Variants in GSE1 observed in about 807,000 individuals in gnomAD.
GSE1 encodes the protein genetic suppressor element 1.
Under a neutral mutation model 112.6 loss-of-function variants are expected in GSE1, and 32 were observed. The observed-to-expected ratio is 0.28, with a 90% CI of 0.21 to 0.38. The LOEUF is 0.38. GSE1 is among the 10% of genes least tolerant of loss of function. The pLI, the probability that GSE1 is intolerant of heterozygous loss-of-function variation, is 1.00. For synonymous variants in GSE1, 1,115 were observed against 735.6 expected (o/e 1.52, Z -8.35); for missense variants, 2,348 against 1,699.2 (o/e 1.38, Z -6.71).
chr16:85,637,699 G>T (rs1291041000), intron 2 of GSE1, among the ~76,000 whole-genome samples: 1 of 151,624 alleles, frequency 6.6e-6, no homozygotes, highest in African/African-American at 2.4e-5. Flanking sequence ...CCCAGCTTGT[G>T]CCTGAGACTC....
At chr16:85,281,662 C>G (rs2151423930) in intron 1 of GSE1, among the ~76,000 whole-genome samples, 1 of 152,318 alleles carries the variant, frequency 6.6e-6, no homozygotes, top group East Asian at 1.9e-4. Flanking sequence ...CTCAAGTTCC[C>G]TCCTACCTGG....
intron 2 of GSE1, among the ~76,000 whole-genome samples, chr16:85,546,075 G>A (rs1006040687): frequency 6.6e-5 from 10 of 150,812 alleles, no homozygotes; most frequent in South Asian, 6.3e-4. Flanking sequence ...GGGAGCCGCC[G>A]CGCCCAGCCA....
chr16:85,359,678 C>T lies in GSE1; in HGVS notation c.2464+2035C>T, dbSNP rs139025425. 5.2e-4 allele frequency among the ~76,000 whole-genome samples: 79 copies of T among 152,322 alleles called. No homozygotes were observed. The East Asian group carries it at 0.015, about 29-fold the overall frequency. On this transcript the variant is annotated intron_variant, in intron 2 of 2. Transcript: ENST00000637419. ...CCTCCTCCATCAGTGAAACAGTGTC[C>T]TGCAGGCCAGAGAGGCTGAGCAATC...
chr16:85,268,223 G>C (rs1908451795), intron 1 of GSE1, among the ~76,000 whole-genome samples: 3 of 69,110 alleles, frequency 4.3e-5, no homozygotes, highest in African/African-American at 2.4e-4. Context: ...CCTGGTACTG[G>C]CACAAGGTGT....
intron 2 of GSE1, among the ~76,000 whole-genome samples, chr16:85,382,495 T>C (rs2047569952): frequency 6.6e-6 from 1 of 152,106 alleles, no homozygotes. Flanking sequence ...GGAGGGACCC[T>C]GGGAAGATGC....
chr16:85,195,916 G>T (rs1233674334), intron 1 of GSE1, among the ~76,000 whole-genome samples: 1 of 152,162 alleles, frequency 6.6e-6, no homozygotes, highest in Non-Finnish European at 1.5e-5. Flanking sequence ...ATACCTTTGG[G>T]GCCAGATATG....
At chr16:85,362,897 A>G (rs534584072) in intron 2 of GSE1, among the ~76,000 whole-genome samples, 2 of 143,884 alleles carry the variant, frequency 1.4e-5, no homozygotes, top group Admixed American at 7.3e-5. Context: ...GTGCAGTGAC[A>G]TGATCTTGGC....
chr16:85,446,081 G>A (rs759525750), intron 2 of GSE1, among the ~76,000 whole-genome samples: 3 of 152,172 alleles, frequency 2.0e-5, no homozygotes, highest in Non-Finnish European at 4.4e-5. Context: ...TGGTATCAGC[G>A]CCATGAGCAG....
At chr16:85,211,240 TC>T (rs1302996874) in intron 1 of GSE1, among the ~76,000 whole-genome samples, 5 of 151,532 alleles carry the variant, frequency 3.3e-5, no homozygotes, top group African/African-American at 1.2e-4. Context: ...AGCTGCCCCT[TC>T]CCATGCCAGA....
intron 1 of GSE1, among the ~76,000 whole-genome samples, chr16:85,220,960 C>CCCCTCTCCCCCT (rs1377312862): frequency 5.3e-4 from 66 of 123,830 alleles, no homozygotes; most frequent in African/African-American, 1.8e-3. Flanking sequence ...CCTCCAGTGG[C>CCCCTCTCCCCCT]CCCTCTCCCC....
chr16:85,418,225 C>T (rs2048747822), intron 2 of GSE1, among the ~76,000 whole-genome samples: 1 of 152,218 alleles, frequency 6.6e-6, no homozygotes, highest in Non-Finnish European at 1.5e-5. Flanking sequence ...GGGAAATGTG[C>T]TCCGGGAAGC....
chr16:85,594,196 C>T (rs957801272), intron 1 of GSE1: 1 of 113,538 alleles, frequency 8.8e-6, no homozygotes, highest in Non-Finnish European at 1.7e-5. Context: ...GGGCAGGAGG[C>T]CTGCTGTGGA....
intron 1 of GSE1, among the ~76,000 whole-genome samples, chr16:85,313,975 G>A (rs2045926109): frequency 6.7e-6 from 1 of 148,580 alleles, no homozygotes; most frequent in Non-Finnish European, 1.5e-5. Flanking sequence ...GTGTGACACA[G>A]CCTAGTGTGT....
At position 85,514,041 on chromosome 16, in the gene GSE1, C is replaced by T. The variant is rs543511327; in HGVS notation, c.2465-119873C>T. Among the ~76,000 whole-genome samples, 6 of 152,218 alleles carry T rather than the reference C, an allele frequency of 3.9e-5. No homozygotes were observed. The East Asian group carries it at 1.2e-3, about 29-fold the overall frequency. ...TAAAGAAAACAAAAGACCCCAGGCT[C>T]CCCGGGTGATTCCAGGCTGAAGAAA... On this transcript the variant is annotated intron_variant, in intron 2 of 2. Coordinates refer to the GSE1 transcript ENST00000637419.
chr16:85,595,242 C>G (rs1012781403), intron 1 of GSE1: 1 of 152,382 alleles, frequency 6.6e-6, no homozygotes, highest in Non-Finnish European at 1.5e-5. Flanking sequence ...AAGCCCTGCC[C>G]AGGCCTCACA....
chr16:85,516,564 G>A (rs1346008541), intron 2 of GSE1, among the ~76,000 whole-genome samples: 1 of 144,490 alleles, frequency 6.9e-6, no homozygotes, highest in Non-Finnish European at 1.5e-5. Flanking sequence ...CACTCTACAA[G>A]GCAACAGAGG....
At position 85,666,224 on chromosome 16, in the gene GSE1, C is replaced by T. The variant is rs1317858249; in HGVS notation, c.3007C>T (p.Pro1003Ser). Reference sequence around the variant, plus strand: ...CGCTGCACCCAAGGACATTCCTGTGCCGCTGTCCCACAGCACCAATGGGAA... The same window carrying T: ...CGCTGCACCCAAGGACATTCCTGTGTCGCTGTCCCACAGCACCAATGGGAA... ...RGAAPKDIPV[P>S]LSHSTNGKSK... Residue 1003 changes from proline (P) to serine (S), a missense_variant, in exon 13 of 16, where the codon CCG (proline) becomes TCG (serine). Pro to Ser is a moderately conservative substitution (Grantham distance 74, BLOSUM62 -1). Coordinates refer to ENST00000253458, the MANE Select transcript of GSE1 (RefSeq NM_014615.5). 2 of 1,613,742 alleles carry T rather than the reference C, an allele frequency of 1.2e-6. No individual in the cohort carries two copies. Among genetic ancestry groups the T allele is most frequent in the Non-Finnish European group, 1.7e-6 (2 of 1,180,044 alleles).
chr16:85,608,206 G>T (rs543857670), upstream of GSE1, among the ~76,000 whole-genome samples: 1 of 152,278 alleles, frequency 6.6e-6, no homozygotes, highest in South Asian at 2.1e-4. Flanking sequence ...AGTGGTGGGG[G>T]CTTGCACCTT....
intron 1 of GSE1, among the ~76,000 whole-genome samples, chr16:85,241,677 T>G (rs1905182016): frequency 6.6e-6 from 1 of 152,174 alleles, no homozygotes; most frequent in African/African-American, 2.4e-5. Context: ...CAGGTCTGCA[T>G]GACTCTGAAA....
Sources: allele counts gnomAD v4.1 joint callset (sites outside exome capture counted in the v4.1 genomes callset), GRCh38; gene constraint gnomAD v4.1.1; transcripts MANE v1.5; gene names NCBI Gene and HGNC (gene_info 2026-07-23, HGNC 2026-07-21).